Variants in KCNT2 observed in about 807,000 individuals in gnomAD.
The protein encoded by KCNT2 is potassium channel subfamily T member 2.
In KCNT2, 67 loss-of-function variants were observed where a neutral mutation model predicts 153.8. The ratio of observed to expected loss-of-function variants is 0.44; its 90% CI spans 0.36 to 0.53. The LOEUF is 0.53. Ranked by LOEUF, KCNT2 falls within the 20% of genes least tolerant of loss-of-function variation. The probability of loss-of-function intolerance (pLI) is 0.00; values close to 1 mark genes in which losing one functional copy is unlikely to be tolerated. For synonymous variants in KCNT2, 500 were observed against 458.8 expected, an observed-to-expected ratio of 1.09 and a Z score of -1.15; for missense variants, 975 against 1,354.8, an observed-to-expected ratio of 0.72 and a Z score of 4.40.
chr1:196,317,664 G>A (rs2148027958), intron 20 of KCNT2, among the ~76,000 whole-genome samples: 2 of 151,808 alleles, frequency 1.3e-5, no homozygotes, highest in East Asian at 3.9e-4. Context: ...GACTGGATAA[G>A]TATATATGCA....
At chr1:196,434,969 T>A (rs1674491515) in intron 8 of KCNT2, among the ~76,000 whole-genome samples, 1 of 150,962 alleles carries the variant, frequency 6.6e-6, no homozygotes, top group African/African-American at 2.4e-5. Flanking sequence ...CCTCCATTTC[T>A]CCTCAGGCCA....
intron 25 of KCNT2, among the ~76,000 whole-genome samples, chr1:196,279,695 T>C (rs1027385922): frequency 6.6e-6 from 1 of 151,852 alleles, no homozygotes; most frequent in African/African-American, 2.4e-5. Context: ...CCCAAAGTGC[T>C]GGGATTACAG....
At chr1:196,456,147 A>T (rs1676652677) in intron 8 of KCNT2, among the ~76,000 whole-genome samples, 1 of 152,030 alleles carries the variant, frequency 6.6e-6, no homozygotes, top group Non-Finnish European at 1.5e-5. Flanking sequence ...ATGAACAGGT[A>T]GAAGCTGATA....
chr1:196,326,071 G>A (rs1330762327), intron 19 of KCNT2, among the ~76,000 whole-genome samples: 8 of 151,918 alleles, frequency 5.3e-5, no homozygotes, highest in South Asian at 2.1e-4. Context: ...TCACAGAGAC[G>A]GATATTATAA....
At chr1:196,367,503 A>G (rs1458879030) in intron 14 of KCNT2, among the ~76,000 whole-genome samples, 1 of 152,212 alleles carries the variant, frequency 6.6e-6, no homozygotes, top group Non-Finnish European at 1.5e-5. Context: ...ATATGTTTGT[A>G]TGTAAATATA....
At chr1:196,550,102 A>C (rs1657693059) in intron 1 of KCNT2, among the ~76,000 whole-genome samples, 1 of 152,066 alleles carries the variant, frequency 6.6e-6, no homozygotes, top group African/African-American at 2.4e-5. Flanking sequence ...GATAGTTAAA[A>C]AAATTTTTTG....
intron 1 of KCNT2, among the ~76,000 whole-genome samples, chr1:196,524,370 GA>G (rs11350913): frequency 0.073 from 11,099 of 151,936 alleles, 1,325 homozygotes; most frequent in African/African-American, 0.25. Context: ...AATAAGGGGG[GA>G]AAAAAAGTGG....
chr1:196,309,705 G>T (rs991758449), intron 21 of KCNT2, among the ~76,000 whole-genome samples: 2 of 151,614 alleles, frequency 1.3e-5, no homozygotes, highest in African/African-American at 4.8e-5. Flanking sequence ...TACAAATTTG[G>T]TTGTCTAATA....
At chr1:196,565,764 C>T (rs1194448634) in intron 1 of KCNT2, among the ~76,000 whole-genome samples, 1 of 151,492 alleles carries the variant, frequency 6.6e-6, no homozygotes, top group Middle Eastern at 3.4e-3. Context: ...GTGGAATCTA[C>T]AAAAGTTAAA....
chr1:196,229,518 T>A (rs533183016), intron 27 of KCNT2, among the ~76,000 whole-genome samples: 1 of 152,192 alleles, frequency 6.6e-6, no homozygotes, highest in South Asian at 2.1e-4. Context: ...CAAAAATGAC[T>A]TGTAATTGTT....
At chr1:196,497,095 T>A (rs1052664479) in intron 1 of KCNT2, among the ~76,000 whole-genome samples, 1 of 152,236 alleles carries the variant, frequency 6.6e-6, no homozygotes, top group Non-Finnish European at 1.5e-5. Context: ...GTCCCTTTCT[T>A]ATAAGAGGAT....
intron 26 of KCNT2, among the ~76,000 whole-genome samples, chr1:196,240,238 C>T (rs374817116): frequency 2.6e-5 from 4 of 151,914 alleles, no homozygotes. Flanking sequence ...TATGGATCTG[C>T]CAATTGCTTA....
intron 14 of KCNT2, among the ~76,000 whole-genome samples, chr1:196,353,070 A>G (rs1666871729): frequency 6.6e-6 from 1 of 151,886 alleles, no homozygotes; most frequent in African/African-American, 2.4e-5. Flanking sequence ...TTTTTAAACT[A>G]TCGGTTGTGC....
At chr1:196,514,165 G>A (rs546492695) in intron 1 of KCNT2, among the ~76,000 whole-genome samples, 116 of 152,242 alleles carry the variant, frequency 7.6e-4, no homozygotes, top group Non-Finnish European at 1.0e-3. Context: ...CATTTTGCTC[G>A]TGTTTTCAGA....
At chr1:196,353,490 T>C (rs1374731604) in intron 14 of KCNT2, among the ~76,000 whole-genome samples, 3 of 151,952 alleles carry the variant, frequency 2.0e-5, no homozygotes, top group Admixed American at 1.3e-4. Context: ...ATAGTAACTA[T>C]TGGTTAGAAA....
At chr1:196,452,658 A>T (rs551644407) in intron 8 of KCNT2, among the ~76,000 whole-genome samples, 11 of 152,096 alleles carry the variant, frequency 7.2e-5, no homozygotes, top group Admixed American at 5.2e-4. Flanking sequence ...GGCAGACTGG[A>T]ATACAGAAGG....
intron 8 of KCNT2, among the ~76,000 whole-genome samples, chr1:196,457,233 C>T (rs1165490739): frequency 6.6e-6 from 1 of 151,654 alleles, no homozygotes; most frequent in African/African-American, 2.4e-5. Context: ...ACTGTTCTCA[C>T]ACTAAAAATT....
intron 26 of KCNT2, among the ~76,000 whole-genome samples, chr1:196,251,819 G>A (rs1263760080): frequency 6.6e-6 from 1 of 151,850 alleles, no homozygotes; most frequent in Non-Finnish European, 1.5e-5. Flanking sequence ...TAACCCTGAT[G>A]TGATTATTAT....
intron 8 of KCNT2, among the ~76,000 whole-genome samples, chr1:196,445,634 C>T (rs1675623723): frequency 6.6e-6 from 1 of 151,336 alleles, no homozygotes; most frequent in Non-Finnish European, 1.5e-5. Flanking sequence ...AATGATAGCC[C>T]TTTCAGTTTC....
Sources: gnomAD v4.1 joint callset for allele counts (sites outside exome capture counted in the v4.1 genomes callset) on GRCh38, gnomAD v4.1.1 for gene constraint, MANE v1.5 for transcripts, NCBI Gene and HGNC (gene_info 2026-07-23, HGNC 2026-07-21) for gene names.